Variants in JARID2 observed in about 807,000 individuals in gnomAD.
JARID2 encodes protein Jumonji.
A neutral mutation model predicts 125.6 loss-of-function variants in JARID2; 21 were observed. That is an observed-to-expected ratio of 0.17 (90% CI 0.12 to 0.24). The LOEUF (loss-of-function observed/expected upper bound fraction) is 0.24, where lower values mean the gene tolerates loss of function less well. JARID2 is among the 10% of genes least tolerant of loss of function. The probability of loss-of-function intolerance (pLI) is 1.00; values close to 1 mark genes in which losing one functional copy is unlikely to be tolerated. For missense variants in JARID2, 1,303 were observed against 1,639.6 expected, an observed-to-expected ratio of 0.79 and a Z score of 3.55; for synonymous variants, 736 against 661.6, an observed-to-expected ratio of 1.11 and a Z score of -1.73.
chr6:15,470,379 G>T (rs1769017753), intron 5 of JARID2, among the ~76,000 whole-genome samples: 1 of 152,150 alleles, frequency 6.6e-6, no homozygotes, highest in South Asian at 2.1e-4. Flanking sequence ...TGAGGCAAAG[G>T]AGAGCTGCTC....
chr6:15,381,080 G>A (rs1472975880), intron 2 of JARID2, among the ~76,000 whole-genome samples: 2 of 151,600 alleles, frequency 1.3e-5, no homozygotes, highest in Non-Finnish European at 2.9e-5. Context: ...TGGGCCGGGC[G>A]CGGTGGCTCA....
intron 7 of JARID2, among the ~76,000 whole-genome samples, chr6:15,498,824 C>G (rs1364011769): frequency 1.3e-5 from 2 of 152,216 alleles, no homozygotes; most frequent in Admixed American, 1.3e-4. Context: ...TGCACCCACG[C>G]CCGCTGACCA....
Position 15,246,365 on chromosome 6 carries a change from TCGGATTTA to T in JARID2, c.-174_-167del. ...GGCTCTTTTTTTTTCCTTCCCAATT[TCGGATTTA>T]TTTCAAGGCGAATCTGGCTTTGGGG... On this transcript the variant is annotated 5_prime_UTR_variant, in exon 1 of 18. Transcript: ENST00000341776. 1.7e-6 allele frequency: 1 copy of T among 575,354 alleles called. No individual in the cohort carries two copies. The highest frequency in any genetic ancestry group is 3.1e-6 in the Non-Finnish European group (1 of 324,820). The allele number at this position is 575,354 out of a possible 1,614,324, so 35.6% of individuals were successfully genotyped here.
At chr6:15,287,277 C>CT (rs1186559674) in intron 1 of JARID2, among the ~76,000 whole-genome samples, 1 of 152,114 alleles carries the variant, frequency 6.6e-6, no homozygotes. Context: ...TTTCCAAATA[C>CT]TTTTTTAAGT....
In JARID2 at chr6:15,496,174, G is replaced by A. The variant is rs1770410684; in HGVS notation, c.949G>A (p.Ala317Thr). 1 of 1,613,908 alleles carries A rather than the reference G, an allele frequency of 6.2e-7. No homozygotes were observed. Among genetic ancestry groups the A allele is most frequent in the African/African-American group, 1.3e-5 (1 of 74,878 alleles). ...AGTCACTCGAATGTCATCTCTGGGT[G>A]CAGGTGTAACCAGTGCCAAAAAGAT... is the stretch of plus-strand genomic sequence containing the variant. ...NGVTRMSSLGAGVTSAKKMRE... is the reference protein window; with the variant it reads ...NGVTRMSSLGTGVTSAKKMRE... The change falls in exon 7 of 18, where the codon GCA becomes ACA. Residue 317 changes from alanine to threonine, a missense_variant. Coordinates refer to ENST00000341776, the MANE Select transcript of JARID2 (RefSeq NM_004973.4).
At chr6:15,409,186 C>G (rs887340204) in intron 2 of JARID2, among the ~76,000 whole-genome samples, 9 of 152,116 alleles carry the variant, frequency 5.9e-5, no homozygotes, top group African/African-American at 2.2e-4. Flanking sequence ...AAGTCACTTT[C>G]TGAGATACTT....
intron 1 of JARID2, among the ~76,000 whole-genome samples, chr6:15,287,971 A>G (rs2127390214): frequency 6.6e-6 from 1 of 152,286 alleles, no homozygotes; most frequent in East Asian, 1.9e-4. Flanking sequence ...GCAGCCTTTG[A>G]ATACTTGTAT....
At position 15,483,877 on chromosome 6, in the gene JARID2, A is replaced by G. The variant is rs868170537; in HGVS notation, c.671-3430A>G. 4.6e-5 allele frequency among the ~76,000 whole-genome samples: 7 copies of G among 152,302 alleles called. No homozygotes were observed. The South Asian group carries it at 8.3e-4, about 18-fold the overall frequency. On this transcript the variant is annotated intron_variant, in intron 5 of 17. Transcript: ENST00000341776. ...TCCGCCAGTAGTGTGTGAGGGTTAC[A>G]GTTTCTCCACATCCTTGCAATCAGT...
intron 1 of JARID2, among the ~76,000 whole-genome samples, chr6:15,263,655 C>T (rs933186558): frequency 2.0e-5 from 3 of 148,036 alleles, no homozygotes; most frequent in Non-Finnish European, 4.5e-5. Flanking sequence ...TGCAGTGGCG[C>T]GATCTCCACT....
At chr6:15,333,264 G>GT (rs1187854082) in intron 1 of JARID2, among the ~76,000 whole-genome samples, 4 of 152,066 alleles carry the variant, frequency 2.6e-5, no homozygotes, top group Non-Finnish European at 4.4e-5. Context: ...ACAACTCGGT[G>GT]TTTTTTAGTA....
At chr6:15,469,278 CTCTCTG>C (rs1197894461) in intron 5 of JARID2, among the ~76,000 whole-genome samples, 2 of 94,732 alleles carry the variant, frequency 2.1e-5, no homozygotes, top group African/African-American at 8.4e-5. Flanking sequence ...GTCTCTCTGT[CTCTCTG>C]TCTCTGTCTC....
chr6:15,351,631 G>A (rs1581444137), intron 1 of JARID2, among the ~76,000 whole-genome samples: 2 of 152,292 alleles, frequency 1.3e-5, no homozygotes, highest in Admixed American at 6.5e-5. Flanking sequence ...CCTGTGTTCT[G>A]GGAGCCAATC....
intron 3 of JARID2, among the ~76,000 whole-genome samples, chr6:15,449,770 C>CT (rs1440503615): frequency 6.6e-6 from 1 of 151,972 alleles, no homozygotes; most frequent in Admixed American, 6.5e-5. Context: ...TGGAGTCACA[C>CT]TTTGTCCGTT....
intron 2 of JARID2, among the ~76,000 whole-genome samples, chr6:15,392,946 A>G (rs1281465063): frequency 6.6e-6 from 1 of 152,062 alleles, no homozygotes; most frequent in Non-Finnish European, 1.5e-5. Context: ...CTGCCTCCCA[A>G]AGTGCTGGGA....
At chr6:15,417,741 CA>C (rs542146662) in intron 3 of JARID2, among the ~76,000 whole-genome samples, 7 of 149,396 alleles carry the variant, frequency 4.7e-5, no homozygotes, top group Non-Finnish European at 4.5e-5. Context: ...GACTCTGTCT[CA>C]AAAAAAAACT....
intron 3 of JARID2, among the ~76,000 whole-genome samples, chr6:15,422,198 A>G (rs922557662): frequency 2.0e-5 from 3 of 152,084 alleles, no homozygotes; most frequent in African/African-American, 7.2e-5. Flanking sequence ...CTGCAAGTAG[A>G]TCTGTGATTA....
chr6:15,469,923 A>G (rs1196543560), intron 5 of JARID2, among the ~76,000 whole-genome samples: 5 of 152,138 alleles, frequency 3.3e-5, no homozygotes, highest in Non-Finnish European at 2.9e-5. Flanking sequence ...TCACACCTGT[A>G]ATCCCAGGAC....
chr6:15,495,980 C>A, intron 6 of JARID2, 152 bp from the exon 7 acceptor site: 1 of 681,554 alleles, frequency 1.5e-6, no homozygotes, highest in Non-Finnish European at 2.5e-6. Context: ...CTTCTCTTTG[C>A]TGGTATTTCC....
intron 6 of JARID2, among the ~76,000 whole-genome samples, chr6:15,493,591 T>C (rs528326213): frequency 2.0e-5 from 3 of 152,298 alleles, no homozygotes; most frequent in Admixed American, 2.0e-4. Context: ...AGGTGTTGTC[T>C]TTTGCTGTCT....
Sources: allele counts gnomAD v4.1 joint callset (sites outside exome capture counted in the v4.1 genomes callset), GRCh38; gene constraint gnomAD v4.1.1; transcripts MANE v1.5; gene names NCBI Gene and HGNC (gene_info 2026-07-23, HGNC 2026-07-21).